Variants in REDIC1 observed in about 807,000 individuals in gnomAD.
The protein encoded by REDIC1 is HEI10 Interacting Protein 1.
chr12:39,630,294 A>G, the REDIC1 span, among the ~76,000 whole-genome samples: 2 of 152,244 alleles, frequency 1.3e-5, no homozygotes, highest in African/African-American at 4.8e-5. Context: ...CTATAGATCT[A>G]TAAATATACC....
At chr12:39,650,363 A>G in the REDIC1 span, 1 of 1,604,268 alleles carries the variant, frequency 6.2e-7, no homozygotes, top group Admixed American at 1.7e-5. This position sits in a 1 kb window ranked among gnomAD's most constrained non-coding sequence, Gnocchi z 4.3. Context: ...AGGTAAGCAA[A>G]GATGCTGAAG....
chr12:39,654,102 TG>T, the REDIC1 span, among the ~76,000 whole-genome samples: 3 of 152,098 alleles, frequency 2.0e-5, no homozygotes, highest in Non-Finnish European at 4.4e-5. Context: ...TAGGTGTTTT[TG>T]TAAGTGTCCT....
At chr12:39,844,668 A>C in the REDIC1 span, among the ~76,000 whole-genome samples, 1 of 152,088 alleles carries the variant, frequency 6.6e-6, no homozygotes, top group African/African-American at 2.4e-5. Context: ...ATTTATAGTC[A>C]TACACTCAGC....
chr12:39,814,616 G>A, the REDIC1 span, among the ~76,000 whole-genome samples: 199 of 152,234 alleles, frequency 1.3e-3, no homozygotes, highest in African/African-American at 4.5e-3. Context: ...GAATGGAAAA[G>A]CACATTTTAA....
chr12:39,764,752 C>A, the REDIC1 span: 3 of 1,612,546 alleles, frequency 1.9e-6, no homozygotes, highest in Admixed American at 5.0e-5. Context: ...GCAAAGAAGA[C>A]AAGATATAAA....
At chr12:39,713,161 ACG>A in the REDIC1 span, among the ~76,000 whole-genome samples, 3 of 150,184 alleles carry the variant, frequency 2.0e-5, no homozygotes, top group Admixed American at 6.7e-5. Flanking sequence ...GCATATACAC[ACG>A]TGTATATATG....
the REDIC1 span, among the ~76,000 whole-genome samples, chr12:39,640,602 A>G: frequency 6.6e-6 from 1 of 151,396 alleles, no homozygotes; most frequent in Admixed American, 6.6e-5. Flanking sequence ...ACAAAGAAAA[A>G]GAAGAATGTT....
chr12:39,720,760 A>G, the REDIC1 span: 1 of 1,528,532 alleles, frequency 6.5e-7, no homozygotes, highest in Non-Finnish European at 9.0e-7. Context: ...AGCATGGTTT[A>G]GAGCAAAATT....
the REDIC1 span, among the ~76,000 whole-genome samples, chr12:39,829,239 C>A: frequency 6.6e-6 from 1 of 151,204 alleles, no homozygotes; most frequent in Admixed American, 6.6e-5. Flanking sequence ...TACTACAAAC[C>A]AAAAACATTA....
At chr12:39,812,426 C>T in the REDIC1 span, among the ~76,000 whole-genome samples, 3 of 131,910 alleles carry the variant, frequency 2.3e-5, no homozygotes, top group African/African-American at 5.8e-5. Context: ...TCCTTCCTGC[C>T]TTCCTTCCTT....
chr12:39,694,218 C>T, the REDIC1 span, among the ~76,000 whole-genome samples: 18 of 152,038 alleles, frequency 1.2e-4, no homozygotes, highest in Non-Finnish European at 1.6e-4. Context: ...GAATAGAAGA[C>T]ACCCACTGCA....
chr12:39,667,910 A>G, the REDIC1 span, among the ~76,000 whole-genome samples: 4 of 151,416 alleles, frequency 2.6e-5, no homozygotes, highest in African/African-American at 9.7e-5. Context: ...TTTGTTTTCC[A>G]TTTGCTTGGT....
At chr12:39,682,653 T>C in the REDIC1 span, 1 of 1,605,530 alleles carries the variant, frequency 6.2e-7, no homozygotes, top group Non-Finnish European at 8.5e-7. Context: ...CTGCTGTAAT[T>C]ATGGATGAAG....
chr12:39,839,110 C>T, the REDIC1 span, among the ~76,000 whole-genome samples: 684 of 152,248 alleles, frequency 4.5e-3, 2 homozygotes, highest in Non-Finnish European at 6.7e-3. Context: ...TCCCAAACTT[C>T]CATACTCTAC....
At chr12:39,683,764 G>A in the REDIC1 span, among the ~76,000 whole-genome samples, 7 of 151,782 alleles carry the variant, frequency 4.6e-5, no homozygotes, top group South Asian at 8.4e-4. Context: ...ACTCATATCC[G>A]CCAGAATGTC....
At chr12:39,902,225 G>C in the REDIC1 span, among the ~76,000 whole-genome samples, 6 of 150,674 alleles carry the variant, frequency 4.0e-5, no homozygotes, top group Non-Finnish European at 7.4e-5. Flanking sequence ...AGCATTAGGA[G>C]ATATACCTAA....
the REDIC1 span, among the ~76,000 whole-genome samples, chr12:39,812,573 A>G: frequency 6.6e-6 from 1 of 151,584 alleles, no homozygotes; most frequent in African/African-American, 2.4e-5. Context: ...CTGAGATTCA[A>G]GCGATTCTCC....
the REDIC1 span, among the ~76,000 whole-genome samples, chr12:39,896,387 T>C: frequency 3.5e-3 from 446 of 128,668 alleles, no homozygotes; most frequent in Middle Eastern, 0.011. Context: ...TATGTATGTA[T>C]ATGTGTATAT....
chr12:39,712,514 T>C, the REDIC1 span, among the ~76,000 whole-genome samples: 56 of 143,270 alleles, frequency 3.9e-4, no homozygotes, highest in South Asian at 1.5e-3. Flanking sequence ...CGTATGTACG[T>C]ATATACACGA....
Sources: gnomAD v4.1 joint callset for allele counts (sites outside exome capture counted in the v4.1 genomes callset) on GRCh38, gnomAD v4.1.1 for gene constraint, Gnocchi (gnomAD v3.1) non-coding constraint, MANE v1.5 for transcripts, NCBI Gene and HGNC (gene_info 2026-07-23, HGNC 2026-07-21) for gene names.